Variants in UMOD observed in about 807,000 individuals in gnomAD.
UMOD encodes Tamm-Horsfall urinary glycoprotein.
A neutral mutation model predicts 66.0 loss-of-function variants in UMOD; 64 were observed. The ratio of observed to expected loss-of-function variants is 0.97; its 90% confidence interval spans 0.79 to 1.19. The LOEUF is 1.19. Among genes scored for constraint, UMOD ranks in the 50% most tolerant of loss-of-function variants. The pLI, the probability that UMOD is intolerant of heterozygous loss-of-function variation, is 0.00. For synonymous variants in UMOD, 398 were observed against 352.7 expected (o/e 1.13, Z -1.44); for missense variants, 764 against 850.9 (o/e 0.90, Z 1.27).
At chr16:20,343,992 C>T (rs763314382) in intron 6 of UMOD, 32 bp downstream of exon 6, 1 of 1,612,184 alleles carries the variant, frequency 6.2e-7, no homozygotes, top group East Asian at 2.2e-5. Context: ...TTAGAACCAT[C>T]TAGGGGCCCT....
chr16:20,336,959 G>T (rs376410265), intron 8 of UMOD, among the ~76,000 whole-genome samples: 1 of 152,320 alleles, frequency 6.6e-6, no homozygotes, highest in African/African-American at 2.4e-5. Context: ...CATGAGGAAA[G>T]GGAACCAGTA....
rs143583842 is a variant in UMOD at position 20,341,262 on chromosome 16, G to T, written c.1406C>A (p.Thr469Lys). ...CACGGAGGAGCCTTGGTAGGGCTGC[G>T]TGTAGGAAGGGGTCTGGAAGAGCGC... Reference protein sequence around the residue: ...RMALFQTPSYTQPYQGSSVTL... With the variant: ...RMALFQTPSYKQPYQGSSVTL... Residue 469 changes from threonine (T) to lysine (K), a missense_variant, in exon 7 of 11, where the codon ACG becomes AAG. Coordinates refer to ENST00000396138, the MANE Select transcript of UMOD (RefSeq NM_003361.4). 1.1e-5 allele frequency: 18 copies of T among 1,613,978 alleles called. No individual in the cohort carries two copies. Among genetic ancestry groups the T allele is most frequent in the Admixed American group, 1.7e-5 (1 of 59,986 alleles).
Position 20,344,191 on chromosome 16 carries a change from GT to G in UMOD, c.1183-20del. Reference sequence around the variant, plus strand: ...CATTCCTCTGTTGCAGGGAATGGGGGTGGAGGGGGGGTGGGGATGAGAGAAA... The same window carrying G: ...CATTCCTCTGTTGCAGGGAATGGGGGGGAGGGGGGGTGGGGATGAGAGAAA... On this transcript the variant is annotated intron_variant, in intron 5 of 10. Coordinates refer to ENST00000396138, the MANE Select transcript of UMOD (RefSeq NM_003361.4). 2 of 1,550,756 alleles carry G rather than the reference GT, an allele frequency of 1.3e-6. No homozygotes were observed. The highest frequency in any genetic ancestry group is 1.7e-5 in the Admixed American group (1 of 59,386).
At chr16:20,333,930 A>T (rs1964729151) in intron 10 of UMOD, among the ~76,000 whole-genome samples, 1 of 148,828 alleles carries the variant, frequency 6.7e-6, no homozygotes, top group Admixed American at 6.8e-5. Context: ...GCTACTGGGC[A>T]GGCTGAGGCA....
Position 20,337,357 on chromosome 16 carries a change from G to C in UMOD, c.1674C>G (p.Asn558Lys). 1.2e-6 allele frequency: 2 copies of C among 1,614,250 alleles called. No homozygotes were observed. Among genetic ancestry groups the C allele is most frequent in the Non-Finnish European group, 1.7e-6 (2 of 1,180,056 alleles). ...FSVQMFRFAG[N>K]YDLVYLHCEV... Reference sequence around the variant, plus strand: ...CACAGTGCAGGTAGACTAGGTCATAGTTTCCAGCAAACCGGAACATCTGGA... The same window carrying C: ...CACAGTGCAGGTAGACTAGGTCATACTTTCCAGCAAACCGGAACATCTGGA... Residue 558 changes from asparagine to lysine, a missense_variant, in exon 8 of 11, where the codon AAC becomes AAG. Coordinates refer to ENST00000396138, the MANE Select transcript of UMOD (RefSeq NM_003361.4).
chr16:20,346,559 G>A (rs1965597719), intron 4 of UMOD, among the ~76,000 whole-genome samples: 1 of 152,194 alleles, frequency 6.6e-6, no homozygotes, highest in African/African-American at 2.4e-5. Context: ...TCCCCTAAAT[G>A]TGGGTTATAT....
chr16:20,352,667 A>G (rs1965954329), intron 1 of UMOD, 22 bp downstream of exon 1: 2 of 1,231,546 alleles, frequency 1.6e-6, no homozygotes, highest in Admixed American at 4.2e-5. Context: ...GGCTAGGAGA[A>G]GACAGCTACA....
chr16:20,335,400 A>G lies in UMOD; in HGVS notation c.1861+82T>C, dbSNP rs534852044. 34 of 1,418,536 alleles carry G rather than the reference A, an allele frequency of 2.4e-5. No homozygotes were observed. The African/African-American group carries it at 3.2e-4, about 14-fold the overall frequency. The allele number at this position is 1,418,536 out of a possible 1,614,324, so 87.9% of individuals were successfully genotyped here. ...GTAACACCTCCCTTATAGAGTTGCTATGAAGCATTACAAGTTAACAGATAG... is the reference window on the plus strand; with the variant it reads ...GTAACACCTCCCTTATAGAGTTGCTGTGAAGCATTACAAGTTAACAGATAG... On this transcript the variant is annotated intron_variant, in intron 10 of 10. Transcript: ENST00000396138.
chr16:20,333,906 C>T (rs775755590), intron 10 of UMOD, among the ~76,000 whole-genome samples: 25 of 151,906 alleles, frequency 1.6e-4, no homozygotes, highest in South Asian at 2.1e-4. Flanking sequence ...TGGTGGTGCA[C>T]GCCTGTAGTT....
chr16:20,348,323 G>C lies in UMOD; in HGVS notation c.873C>G (p.Ser291Arg), dbSNP rs1311160781. The C allele has an allele frequency of 6.2e-7, 1 of 1,614,212 alleles. No homozygotes were observed. Among genetic ancestry groups the C allele is most frequent in the Non-Finnish European group, 8.5e-7 (1 of 1,180,048 alleles). Residue 291 changes from serine (S) to arginine (R), a missense_variant, in exon 4 of 11, where the codon AGC becomes AGG. Physicochemically the swap from Ser to Arg is moderately radical, Grantham distance 110. Coordinates refer to ENST00000396138, the MANE Select transcript of UMOD (RefSeq NM_003361.4). ...ECHLAYCTDP[S>R]SVEGTCEECS... ...ACTCCTCACACGTCCCCTCCACGGA[G>C]CTGGGGTCTGCAGGGTCACAGGGAC...
intron 2 of UMOD, 43 bp downstream of exon 2, chr16:20,350,607 C>T (rs760979840): frequency 1.4e-5 from 23 of 1,607,494 alleles, no homozygotes; most frequent in Middle Eastern, 1.6e-4. Context: ...CACACATACA[C>T]GTGCATACAC....
chr16:20,333,820 G>A (rs985467652), intron 10 of UMOD, among the ~76,000 whole-genome samples: 1 of 152,124 alleles, frequency 6.6e-6, no homozygotes, highest in Non-Finnish European at 1.5e-5. Flanking sequence ...GATCTCCTGA[G>A]GTCAAGAGTT....
intron 2 of UMOD, chr16:20,349,732 GT>G: frequency 6.5e-7 from 1 of 1,536,954 alleles, no homozygotes; most frequent in South Asian, 1.2e-5. Context: ...CGGTGAACCT[GT>G]TGCCCCTCCC....
Position 20,348,691 on chromosome 16 carries a change from G to A in UMOD, c.610C>T (p.Arg204Cys). 6.4e-7 allele frequency: 1 copy of A among 1,553,366 alleles called. No individual in the cohort carries two copies. Among genetic ancestry groups the A allele is most frequent in the Non-Finnish European group, 8.7e-7 (1 of 1,150,910 alleles). Residue 204 changes from arginine (R) to cysteine (C), a missense_variant, in exon 3 of 11, where the codon CGC becomes TGC. Physicochemically the swap from Arg to Cys is radical, Grantham distance 180. Transcript: ENST00000396138. Reference protein sequence around the residue: ...ACDTDLRGWYRFVGQGGARMA... With the variant: ...ACDTDLRGWYCFVGQGGARMA... Reference sequence around the variant, plus strand: ...CGCGCACCGCCCTGGCCCACGAAGCGGTACCAGCCGCGCAGGTCCGTGTCG... The same window carrying A: ...CGCGCACCGCCCTGGCCCACGAAGCAGTACCAGCCGCGCAGGTCCGTGTCG...
chr16:20,340,315 T>A (rs1443542118), intron 7 of UMOD, among the ~76,000 whole-genome samples: 1 of 151,810 alleles, frequency 6.6e-6, no homozygotes, highest in Admixed American at 6.6e-5. Flanking sequence ...GAGGCTGCCG[T>A]GAGCTATGAT....
chr16:20,347,362 G>C (rs7204210), intron 4 of UMOD, among the ~76,000 whole-genome samples: 138,190 of 152,268 alleles, frequency 0.91, 63,686 homozygotes, highest in African/African-American at 0.95. Flanking sequence ...GCCTCGGGCT[G>C]AGAGTTTGGG....
intron 7 of UMOD, among the ~76,000 whole-genome samples, chr16:20,338,448 T>A (rs1965001818): frequency 6.6e-6 from 1 of 152,232 alleles, no homozygotes; most frequent in African/African-American, 2.4e-5. Context: ...TTTTTCCTGC[T>A]TCTTTTTCAA....
Position 20,337,419 on chromosome 16 carries a change from C to A in UMOD, c.1612G>T (p.Val538Leu). 6.2e-7 allele frequency: 1 copy of A among 1,614,186 alleles called. No individual in the cohort carries two copies. Among genetic ancestry groups the A allele is most frequent in the Non-Finnish European group, 8.5e-7 (1 of 1,180,040 alleles). Reference protein sequence around the residue: ...PHTRDSTIQVVENGESSQGRF... With the variant: ...PHTRDSTIQVLENGESSQGRF... Reference sequence around the variant, plus strand: ...CCCTGGGAGGACTCCCCATTCTCCACCACTTGGATAGTTGAGTCTCTAGTG... The same window carrying A: ...CCCTGGGAGGACTCCCCATTCTCCAACACTTGGATAGTTGAGTCTCTAGTG... Residue 538 changes from valine to leucine, a missense_variant, in exon 8 of 11, where the codon GTG (valine) becomes TTG (leucine). By Grantham distance (32) the Val-to-Leu change is conservative (BLOSUM62 1). Coordinates refer to ENST00000396138, the MANE Select transcript of UMOD (RefSeq NM_003361.4).
At chr16:20,333,824 A>G (rs1430095031) in intron 10 of UMOD, among the ~76,000 whole-genome samples, 1 of 152,122 alleles carries the variant, frequency 6.6e-6, no homozygotes, top group Non-Finnish European at 1.5e-5. Context: ...TCCTGAGGTC[A>G]AGAGTTCAAG....
Sources: allele counts gnomAD v4.1 joint callset (sites outside exome capture counted in the v4.1 genomes callset), GRCh38; gene constraint gnomAD v4.1.1; transcripts MANE v1.5; gene names NCBI Gene and HGNC (gene_info 2026-07-23, HGNC 2026-07-21).